Variants in SLC18A2 observed in about 807,000 individuals in gnomAD.
SLC18A2 encodes the protein solute carrier family 18 member A2.
A neutral mutation model predicts 59.2 loss-of-function variants in SLC18A2; 33 were observed. That is an observed-to-expected ratio of 0.56 (90% CI 0.42 to 0.75). SLC18A2 has a LOEUF of 0.75. Ranked by LOEUF, SLC18A2 falls within the 30% of genes least tolerant of loss-of-function variation. The pLI is 0.00. For missense variants in SLC18A2, 569 were observed against 668.6 expected (o/e 0.85, Z 1.64); for synonymous variants, 228 against 253.5 (o/e 0.90, Z 0.95).
intron 3 of SLC18A2, among the ~76,000 whole-genome samples, chr10:117,252,196 C>T (rs1244135357): frequency 3.3e-5 from 4 of 122,516 alleles, no homozygotes; most frequent in African/African-American, 1.2e-4. Context: ...GTTGCCCAGG[C>T]TGGTCTTGAA....
At chr10:117,253,539 A>G in intron 4 of SLC18A2, 82 bp downstream of exon 4, 2 of 235,920 alleles carry the variant, frequency 8.5e-6, no homozygotes, top group South Asian at 8.9e-5. Context: ...TTAACAATAC[A>G]ACCTAAGGAC....
At chr10:117,245,098 C>G (rs1844097044) in intron 3 of SLC18A2, among the ~76,000 whole-genome samples, 2 of 152,136 alleles carry the variant, frequency 1.3e-5, no homozygotes, top group East Asian at 3.8e-4. Flanking sequence ...GCTCAAAGCT[C>G]AGGACAAGGG....
chr10:117,270,271 C>G, intron 14 of SLC18A2, 59 bp from the exon 15 acceptor site: 1 of 1,612,738 alleles, frequency 6.2e-7, no homozygotes, highest in Non-Finnish European at 8.5e-7. Context: ...TAAATCTTTG[C>G]ATCTTTCAGT....
Position 117,258,321 on chromosome 10 carries a change from T to C in SLC18A2, c.991+429T>C, listed in dbSNP as rs140650980. On this transcript the variant is annotated intron_variant, in intron 10 of 15. Coordinates refer to ENST00000644641, the MANE Select transcript of SLC18A2 (RefSeq NM_003054.6). Reference sequence around the variant, plus strand: ...GTGTGCTGATTGAGGACGTAAAACATTTTTAAATTTCATGCTCATCTTTCT... The same window carrying C: ...GTGTGCTGATTGAGGACGTAAAACACTTTTAAATTTCATGCTCATCTTTCT... 2.6e-3 allele frequency among the ~76,000 whole-genome samples: 402 copies of C among 152,348 alleles called. 4 individuals are homozygous for C. The highest frequency in any genetic ancestry group is 9.4e-3 in the African/African-American group (390 of 41,572).
intron 9 of SLC18A2, 98 bp downstream of exon 9, chr10:117,255,755 C>T: frequency 9.3e-7 from 1 of 1,075,296 alleles, no homozygotes; most frequent in Admixed American, 2.3e-5. Flanking sequence ...CGTTTTGCTG[C>T]TAGAAATGTT....
At chr10:117,267,809 GACTGTAGTTCCTCA>G (rs1173655559) in intron 13 of SLC18A2, 73 bp downstream of exon 13, 4 of 1,189,744 alleles carry the variant, frequency 3.4e-6, no homozygotes, top group Non-Finnish European at 4.9e-6. Flanking sequence ...TCCTCTGGTA[GACTGTAGTTCCTCA>G]ACCTAAATTT....
chr10:117,255,733 A>G (rs1480599801), intron 9 of SLC18A2, 76 bp downstream of exon 9: 14 of 1,368,818 alleles, frequency 1.0e-5, no homozygotes, highest in Non-Finnish European at 1.3e-5. Flanking sequence ...GTGGATGGCC[A>G]GGGCTGATTT....
intron 15 of SLC18A2, among the ~76,000 whole-genome samples, chr10:117,272,309 C>T (rs1844436840): frequency 6.6e-6 from 1 of 152,194 alleles, no homozygotes; most frequent in South Asian, 2.1e-4. Context: ...GTGAGAGTTT[C>T]CTTTTGCTAT....
intron 4 of SLC18A2, 98 bp from the exon 5 acceptor site, chr10:117,253,950 G>A: frequency 2.9e-6 from 3 of 1,039,576 alleles, no homozygotes; most frequent in South Asian, 1.4e-5. Context: ...ACATGCAAAT[G>A]CTCCACTGGG....
chr10:117,247,505 C>G (rs556819273), intron 3 of SLC18A2, among the ~76,000 whole-genome samples: 1 of 152,224 alleles, frequency 6.6e-6, no homozygotes, highest in African/African-American at 2.4e-5. Context: ...TACAATTATA[C>G]AGCTTGTACC....
chr10:117,265,311 A>G (rs1278707530), intron 10 of SLC18A2, among the ~76,000 whole-genome samples: 1 of 152,098 alleles, frequency 6.6e-6, no homozygotes, highest in Non-Finnish European at 1.5e-5. Flanking sequence ...TATCCTAAAG[A>G]GACAAGATCA....
chr10:117,254,830 C>T (rs190644901), intron 6 of SLC18A2, among the ~76,000 whole-genome samples: 2 of 152,328 alleles, frequency 1.3e-5, no homozygotes, highest in Admixed American at 1.3e-4. Flanking sequence ...CTGGGTCTGC[C>T]TCCCCCAGCT....
chr10:117,257,732 T>A lies in SLC18A2; in HGVS notation c.896-65T>A, dbSNP rs11568713. On this transcript the variant is annotated intron_variant, in intron 9 of 15. Transcript: ENST00000644641. ...TTATCTGAGCTGTAGGCGCATGGAG[T>A]CTAACTGTGCCTGGAAATGAGAGAG... 617 of 1,056,380 alleles carry A rather than the reference T, an allele frequency of 5.8e-4. 1 individual carries two copies. The highest frequency in any genetic ancestry group is 8.2e-4 in the Non-Finnish European group (588 of 721,304). 65.4% of individuals were successfully genotyped at this position (1,056,380 alleles called of 1,614,324 possible). A position where few individuals can be genotyped will look rare whatever the true frequency, so the allele number is the denominator to read the frequency against.
intron 10 of SLC18A2, among the ~76,000 whole-genome samples, chr10:117,260,529 T>G (rs534193139): frequency 4.4e-4 from 67 of 152,348 alleles, no homozygotes; most frequent in Admixed American, 2.8e-3. Flanking sequence ...GTGTCTAGAA[T>G]TTTCTTCTAT....
chr10:117,267,580 C>T, intron 12 of SLC18A2, 93 bp from the exon 13 acceptor site: 3 of 916,540 alleles, frequency 3.3e-6, no homozygotes, highest in Non-Finnish European at 5.0e-6. Context: ...ACAGGCATAC[C>T]ACGCTCAGAG....
At chr10:117,257,083 C>T (rs923195130) in intron 9 of SLC18A2, among the ~76,000 whole-genome samples, 2 of 152,200 alleles carry the variant, frequency 1.3e-5, no homozygotes, top group East Asian at 3.9e-4. Context: ...CCTTTCTTCA[C>T]CATATGTGCA....
chr10:117,246,417 C>A (rs1367167884), intron 3 of SLC18A2, among the ~76,000 whole-genome samples: 1 of 152,188 alleles, frequency 6.6e-6, no homozygotes, highest in Non-Finnish European at 1.5e-5. Context: ...GCTCTTTCCC[C>A]TGTTAAATAC....
rs780719336 is a variant in SLC18A2, at chr10:117,244,182, C to T, written c.333C>T (p.Ser111=). ...CACAGCACATGGTGACCAACGCGTC[C>T]GCTGTTCCTTCCGACTGTCCCAGTG... ...TATQHMVTNA[S]AVPSDCPSED... Residue 111 remains serine (S), a synonymous_variant, in exon 3 of 16, where the codon TCC becomes TCT. Coordinates refer to ENST00000644641, the MANE Select transcript of SLC18A2 (RefSeq NM_003054.6). The T allele has an allele frequency of 1.2e-5, 20 of 1,614,082 alleles. 1 individual carries two copies. Among genetic ancestry groups the T allele is most frequent in the South Asian group, 6.6e-5 (6 of 91,086 alleles).
At chr10:117,248,780 A>G (rs936375768) in intron 3 of SLC18A2, among the ~76,000 whole-genome samples, 8 of 152,220 alleles carry the variant, frequency 5.3e-5, no homozygotes, top group African/African-American at 1.9e-4. Context: ...TAAGGTTGAA[A>G]TAATAGTTGC....
Sources: gnomAD v4.1 joint callset for allele counts (sites outside exome capture counted in the v4.1 genomes callset) on GRCh38, gnomAD v4.1.1 for gene constraint, MANE v1.5 for transcripts, NCBI Gene and HGNC (gene_info 2026-07-23, HGNC 2026-07-21) for gene names.